Variants in RNF169 observed in about 807,000 individuals in gnomAD.
The protein encoded by RNF169 is ring finger protein 169.
RNF169 carries 24 observed loss-of-function variants against 53.9 expected under a neutral mutation model. The ratio of observed to expected loss-of-function variants is 0.45; its 90% CI spans 0.32 to 0.63. RNF169 has a LOEUF of 0.63. Among genes scored for constraint, RNF169 ranks in the 20% least tolerant of loss-of-function variants. The pLI is 0.04. For synonymous variants in RNF169, 396 were observed against 363.5 expected, an observed-to-expected ratio of 1.09 and a Z score of -1.02; for missense variants, 883 against 906.2, an observed-to-expected ratio of 0.97 and a Z score of 0.33.
In RNF169 at chr11:74,838,030, A is replaced by G. The variant is rs2135158419; in HGVS notation, c.*1300A>G. On this transcript the variant is annotated 3_prime_UTR_variant, in exon 6 of 6. Transcript: ENST00000299563. ...TTAACAGACCTTCCAGAGCTTATAT[A>G]TCCCAATATATGTTGTTTCCTTTGA... 6.6e-6 allele frequency: 1 copy of G among 152,330 alleles called. No individual in the cohort carries two copies. Among genetic ancestry groups the G allele is most frequent in the Admixed American group, 6.5e-5 (1 of 15,298 alleles). The allele number at this position is 152,330 out of a possible 1,614,324, so 9.4% of individuals were successfully genotyped here.
intron 1 of RNF169, among the ~76,000 whole-genome samples, chr11:74,772,816 A>T (rs2035279830): frequency 6.6e-6 from 1 of 152,212 alleles, no homozygotes; most frequent in Non-Finnish European, 1.5e-5. Context: ...TAGCATAATG[A>T]ACCATTTGTT....
intron 1 of RNF169, among the ~76,000 whole-genome samples, chr11:74,771,459 C>T (rs2035258966): frequency 2.0e-5 from 3 of 152,122 alleles, no homozygotes; most frequent in East Asian, 1.9e-4. Flanking sequence ...ATCCCAGCTA[C>T]TCTGGAGGCT....
intron 1 of RNF169, among the ~76,000 whole-genome samples, chr11:74,762,498 C>A (rs1286596683): frequency 6.6e-6 from 1 of 152,196 alleles, no homozygotes; most frequent in Non-Finnish European, 1.5e-5. Flanking sequence ...GATGTCCTTT[C>A]TGTTTGTTAG....
At position 74,838,184 on chromosome 11, in the gene RNF169, A is replaced by G. The variant is rs913349120; in HGVS notation, c.*1454A>G. On this transcript the variant is annotated 3_prime_UTR_variant, in exon 6 of 6. Transcript: ENST00000299563. ...CTGGAAGGGACCTTAATGGTTATCTATTCCAGCCTCCTCCTAAGGTCCTCC... is the reference window on the plus strand; with the variant it reads ...CTGGAAGGGACCTTAATGGTTATCTGTTCCAGCCTCCTCCTAAGGTCCTCC... 3.9e-5 allele frequency: 6 copies of G among 152,226 alleles called. No homozygotes were observed. The highest frequency in any genetic ancestry group is 1.2e-4 in the African/African-American group (5 of 41,454). 9.4% of individuals were successfully genotyped at this position (152,226 alleles called of 1,614,324 possible).
intron 1 of RNF169, among the ~76,000 whole-genome samples, chr11:74,763,583 A>G (rs1341894800): frequency 6.6e-6 from 1 of 152,244 alleles, no homozygotes; most frequent in Non-Finnish European, 1.5e-5. Flanking sequence ...GTTAAACAAT[A>G]GTTTACACAG....
chr11:74,788,234 T>C (rs926753110), intron 1 of RNF169, among the ~76,000 whole-genome samples: 4 of 152,160 alleles, frequency 2.6e-5, no homozygotes, highest in Non-Finnish European at 5.9e-5. Context: ...GTATCATCAA[T>C]ATTTTAAATT....
intron 1 of RNF169, among the ~76,000 whole-genome samples, chr11:74,778,500 C>T (rs2035369178): frequency 6.6e-6 from 1 of 152,124 alleles, no homozygotes; most frequent in Admixed American, 6.6e-5. Context: ...TTGTGCCAAA[C>T]CCCATCAGCT....
chr11:74,821,870 T>G (rs944297458), intron 4 of RNF169, among the ~76,000 whole-genome samples: 1 of 152,124 alleles, frequency 6.6e-6, no homozygotes, highest in Non-Finnish European at 1.5e-5. Context: ...TAAAAACCAT[T>G]ACATCGTACA....
chr11:74,805,648 G>T (rs2035792375), intron 2 of RNF169, among the ~76,000 whole-genome samples: 3 of 152,066 alleles, frequency 2.0e-5, no homozygotes, highest in Admixed American at 2.0e-4. Flanking sequence ...TTTATAAATG[G>T]GATAGAAAAG....
chr11:74,769,344 G>T (rs1013952705), intron 1 of RNF169, among the ~76,000 whole-genome samples: 14 of 152,146 alleles, frequency 9.2e-5, no homozygotes, highest in Non-Finnish European at 1.6e-4. Context: ...ATTTGTAATT[G>T]ATTAATTATA....
chr11:74,814,643 A>T (rs1049660288), intron 3 of RNF169, among the ~76,000 whole-genome samples: 2 of 152,054 alleles, frequency 1.3e-5, no homozygotes, highest in African/African-American at 2.4e-5. Flanking sequence ...CACCCATCTC[A>T]GCCTCACAAA....
At position 74,835,867 on chromosome 11, in the gene RNF169, ACTT is replaced by A. The variant is rs758658022; in HGVS notation, c.1268_1270del (p.Ser423del). The A allele has an allele frequency of 6.2e-7, 1 of 1,614,172 alleles. No individual in the cohort carries two copies. Among genetic ancestry groups the A allele is most frequent in the South Asian group, 1.1e-5 (1 of 91,086 alleles). ...CCTAAACAGAAGCCTGCAGAAGCAG[ACTT>A]CTTATGAGGCCAGTCCACGGATCCT... On this transcript the variant is annotated inframe_deletion, in exon 6 of 6. Transcript: ENST00000299563.
intron 1 of RNF169, among the ~76,000 whole-genome samples, chr11:74,761,660 A>G (rs1591388520): frequency 6.6e-6 from 1 of 152,158 alleles, no homozygotes; most frequent in Non-Finnish European, 1.5e-5. Flanking sequence ...TCTGGCTTGT[A>G]GGGTTTCTGC....
intron 2 of RNF169, among the ~76,000 whole-genome samples, chr11:74,795,398 G>A (rs1208122701): frequency 3.3e-5 from 5 of 151,882 alleles, no homozygotes; most frequent in Non-Finnish European, 7.4e-5. Context: ...TGCCCAGGCT[G>A]GACTTGAACC....
intron 1 of RNF169, among the ~76,000 whole-genome samples, chr11:74,782,826 A>G (rs2035435596): frequency 6.6e-6 from 1 of 151,702 alleles, no homozygotes; most frequent in East Asian, 1.9e-4. Context: ...TGAATTCATC[A>G]TTAATTTAAT....
intron 2 of RNF169, 92 bp from the exon 3 acceptor site, chr11:74,810,092 G>C: frequency 1.8e-6 from 2 of 1,120,254 alleles, no homozygotes; most frequent in Non-Finnish European, 2.6e-6. Context: ...ACTGCCATGT[G>C]ATCTGTTTGT....
intron 2 of RNF169, among the ~76,000 whole-genome samples, chr11:74,793,664 A>T (rs2135090516): frequency 6.6e-6 from 1 of 152,252 alleles, no homozygotes; most frequent in East Asian, 1.9e-4. Flanking sequence ...TTCTAGCCAG[A>T]GGCTTTTGAG....
chr11:74,814,255 G>A lies in RNF169; in HGVS notation c.724-3341G>A, dbSNP rs531415059. ...TGAGGCAGGAGAATTGCTTGAACCC[G>A]GGAGGTGGAGGTTGCAGTGAGCTGA... On this transcript the variant is annotated intron_variant, in intron 3 of 5. Transcript: ENST00000299563. 2.0e-3 allele frequency among the ~76,000 whole-genome samples: 302 copies of A among 152,002 alleles called. 2 individuals carry two copies. The highest frequency in any genetic ancestry group is 6.9e-3 in the African/African-American group (288 of 41,502).
chr11:74,836,734 C>T lies in RNF169; in HGVS notation c.*4C>T. ...CAACATGGCCGGGGCCAAGTAGCAC[C>T]TAATGAAGTGTTACCTATTTTTAAA... On this transcript the variant is annotated 3_prime_UTR_variant, in exon 6 of 6. Coordinates refer to ENST00000299563, the MANE Select transcript of RNF169 (RefSeq NM_001098638.2). 1.9e-6 allele frequency: 3 copies of T among 1,593,910 alleles called. No individual in the cohort carries two copies. Among genetic ancestry groups the T allele is most frequent in the Non-Finnish European group, 8.5e-7 (1 of 1,170,162 alleles).
Sources: gnomAD v4.1 joint callset for allele counts (sites outside exome capture counted in the v4.1 genomes callset) on GRCh38, gnomAD v4.1.1 for gene constraint, MANE v1.5 for transcripts, NCBI Gene and HGNC (gene_info 2026-07-23, HGNC 2026-07-21) for gene names.